HPSE2: variants seen among roughly 807,000 people sequenced by gnomAD.
HPSE2 encodes inactive heparanase-2.
Under a neutral mutation model 60.5 loss-of-function variants are expected in HPSE2, and 38 were observed. The observed-to-expected ratio is 0.63, with a 90% confidence interval of 0.48 to 0.82. The LOEUF is 0.82. Among genes scored for constraint, HPSE2 ranks in the 40% least tolerant of loss-of-function variants. The pLI is 0.00. For synonymous variants in HPSE2, 295 were observed against 293.2 expected (o/e 1.01, Z -0.06); for missense variants, 713 against 740.4 (o/e 0.96, Z 0.43).
chr10:99,086,948 G>C (rs917440873), intron 3 of HPSE2, among the ~76,000 whole-genome samples: 6 of 152,158 alleles, frequency 3.9e-5, no homozygotes, highest in Non-Finnish European at 7.3e-5. Context: ...TTAAACTCTA[G>C]ACAACTTCAT....
chr10:98,938,638 G>C (rs527502469), intron 3 of HPSE2, among the ~76,000 whole-genome samples: 2 of 143,962 alleles, frequency 1.4e-5, no homozygotes, highest in Admixed American at 1.4e-4. Flanking sequence ...GGGGGAGAAT[G>C]CAACCAAGTT....
chr10:98,964,030 C>A (rs1335082774), intron 3 of HPSE2, among the ~76,000 whole-genome samples: 3 of 152,134 alleles, frequency 2.0e-5, no homozygotes, highest in Admixed American at 6.6e-5. Context: ...CGTGTTTACA[C>A]AACTTCAGAA....
intron 3 of HPSE2, among the ~76,000 whole-genome samples, chr10:98,882,414 T>C (rs1404326456): frequency 6.6e-6 from 1 of 151,990 alleles, no homozygotes; most frequent in African/African-American, 2.4e-5. Flanking sequence ...TCAAAAGTCA[T>C]GAGTCAGTTG....
chr10:98,913,320 C>A (rs1461246387), intron 3 of HPSE2, among the ~76,000 whole-genome samples: 1 of 152,108 alleles, frequency 6.6e-6, no homozygotes. Context: ...AGTCACTGTT[C>A]CTGCAACTTG....
At chr10:99,221,831 G>C (rs1182785252) in intron 2 of HPSE2, among the ~76,000 whole-genome samples, 1 of 152,128 alleles carries the variant, frequency 6.6e-6, no homozygotes, top group Non-Finnish European at 1.5e-5. Context: ...AGTGCAGACT[G>C]ACCTTAGGGA....
At chr10:98,466,580 C>T (rs964339166) in intron 11 of HPSE2, among the ~76,000 whole-genome samples, 3 of 145,074 alleles carry the variant, frequency 2.1e-5, no homozygotes, top group Non-Finnish European at 4.5e-5. Flanking sequence ...CACTGCACTC[C>T]AGCATAGGTG....
intron 3 of HPSE2, among the ~76,000 whole-genome samples, chr10:98,913,620 T>C (rs1157893655): frequency 3.9e-5 from 6 of 152,150 alleles, no homozygotes; most frequent in African/African-American, 1.2e-4. Flanking sequence ...CACTTCATTT[T>C]TGAGGAAAAA....
In HPSE2 at chr10:98,585,517, G is replaced by A. The variant is rs113670104; in HGVS notation, c.1320+29387C>T. Reference sequence around the variant, plus strand: ...AATCTCTTGACCTTGTGATCTGCTCGCCTCAGCCTCCCAAAGTGCTGGGAT... The same window carrying A: ...AATCTCTTGACCTTGTGATCTGCTCACCTCAGCCTCCCAAAGTGCTGGGAT... On this transcript the variant is annotated intron_variant, in intron 9 of 11. Coordinates refer to ENST00000370552, the MANE Select transcript of HPSE2 (RefSeq NM_021828.5). Among the ~76,000 whole-genome samples, 611 of 151,660 alleles carry A rather than the reference G, an allele frequency of 4.0e-3. 6 individuals are homozygous for A. The highest frequency in any genetic ancestry group is 0.014 in the African/African-American group (573 of 41,432).
rs1016196852 is a variant in HPSE2 at position 99,232,199 on chromosome 10, A to G, written c.448+149T>C. On this transcript the variant is annotated intron_variant, in intron 2 of 11. Transcript: ENST00000370552. ...AACCAGGCTCTCCAAATCTGCCCCA[A>G]CGCGCGCGCGCGCATACACACACAC... The G allele has an allele frequency of 5.9e-6, 6 of 1,022,400 alleles. No individual in the cohort carries two copies. The South Asian group carries it at 8.9e-5, about 15-fold the overall frequency. 63.3% of individuals were successfully genotyped at this position (1,022,400 alleles called of 1,614,324 possible).
intron 3 of HPSE2, among the ~76,000 whole-genome samples, chr10:98,890,665 A>G (rs1417914075): frequency 6.6e-6 from 1 of 152,200 alleles, no homozygotes; most frequent in Non-Finnish European, 1.5e-5. Flanking sequence ...ACAAAACAAA[A>G]GACAAAACCC....
chr10:98,529,442 T>G (rs11189651), intron 9 of HPSE2, among the ~76,000 whole-genome samples: 42,249 of 151,974 alleles, frequency 0.28, 6,273 homozygotes, highest in East Asian at 0.48. Context: ...TACCTAGCCA[T>G]CCATCTTCTC....
At chr10:99,168,987 G>A (rs1847193545) in intron 2 of HPSE2, among the ~76,000 whole-genome samples, 2 of 151,952 alleles carry the variant, frequency 1.3e-5, no homozygotes, top group Admixed American at 6.6e-5. Context: ...AAGGTCAGGA[G>A]ATCGAGACCA....
intron 3 of HPSE2, among the ~76,000 whole-genome samples, chr10:98,798,304 C>T (rs1950827101): frequency 6.6e-6 from 1 of 152,164 alleles, no homozygotes; most frequent in African/African-American, 2.4e-5. Context: ...ATCACCACCA[C>T]ACCTGTCTTA....
chr10:99,244,345 G>A, the HPSE2 span, among the ~76,000 whole-genome samples: 2 of 149,664 alleles, frequency 1.3e-5, no homozygotes, highest in Non-Finnish European at 3.0e-5. Context: ...TGTTCTCTAG[G>A]CTAATGGCAT....
chr10:98,608,360 G>T (rs1043214034), intron 9 of HPSE2, among the ~76,000 whole-genome samples: 1 of 152,162 alleles, frequency 6.6e-6, no homozygotes, highest in African/African-American at 2.4e-5. Flanking sequence ...GGCTTGCATC[G>T]GCGTGAGCTG....
At position 98,514,722 on chromosome 10, in the gene HPSE2, T is replaced by G. The variant is rs1015446834; in HGVS notation, c.1321-24526A>C. On this transcript the variant is annotated intron_variant, in intron 9 of 11. Transcript: ENST00000370552. ...TGGTTATATACTTTGTTTTTTTTTTTTTTTTTTTTTTTTTTAGACAGAGTC... is the reference window on the plus strand; with the variant it reads ...TGGTTATATACTTTGTTTTTTTTTTGTTTTTTTTTTTTTTTAGACAGAGTC... 2.1e-5 allele frequency among the ~76,000 whole-genome samples: 3 copies of G among 145,212 alleles called. No homozygotes were observed. In the Middle Eastern group the frequency reaches 0.01, roughly 508 times the overall value.
chr10:99,174,532 C>T, intron 2 of HPSE2, among the ~76,000 whole-genome samples: 1 of 152,142 alleles, frequency 6.6e-6, no homozygotes, highest in East Asian at 1.9e-4. Context: ...GGTATCAATA[C>T]TTGAGATCAG....
At chr10:98,763,206 A>G (rs997473257) in intron 3 of HPSE2, among the ~76,000 whole-genome samples, 2 of 152,244 alleles carry the variant, frequency 1.3e-5, no homozygotes, top group African/African-American at 2.4e-5. Context: ...GACAATATCA[A>G]AAGGTTTAAG....
At chr10:98,742,061 A>G (rs930873679) in intron 4 of HPSE2, among the ~76,000 whole-genome samples, 1 of 152,230 alleles carries the variant, frequency 6.6e-6, no homozygotes, top group Admixed American at 6.5e-5. Flanking sequence ...ACTTTTGCCT[A>G]CTTCAAAGCT....
Sources: allele counts gnomAD v4.1 joint callset (sites outside exome capture counted in the v4.1 genomes callset), GRCh38; gene constraint gnomAD v4.1.1; transcripts MANE v1.5; gene names NCBI Gene and HGNC (gene_info 2026-07-23, HGNC 2026-07-21).